The following RGS7 variants were observed in gnomAD, a reference collection of about 807,000 sequenced individuals.
RGS7 encodes the protein regulator of G protein signaling 7, also known as regulator of G-protein signaling 7.
Under a neutral mutation model 81.1 loss-of-function variants are expected in RGS7, and 27 were observed. That is an observed-to-expected ratio of 0.33 (90% CI 0.25 to 0.46). The LOEUF (loss-of-function observed/expected upper bound fraction) is 0.46, where lower values mean the gene tolerates loss of function less well. Ranked by LOEUF, RGS7 falls within the 20% of genes least tolerant of loss-of-function variation. RGS7 has a pLI of 1.00. For missense variants in RGS7, 396 were observed against 607.4 expected (o/e 0.65, Z 3.66); for synonymous variants, 208 against 207.7 (o/e 1.00, Z -0.01).
chr1:241,026,776 C>A (rs1482082854), intron 3 of RGS7, among the ~76,000 whole-genome samples: 1 of 151,590 alleles, frequency 6.6e-6, no homozygotes, highest in Non-Finnish European at 1.5e-5. Flanking sequence ...GTGTGAAAAT[C>A]AAAGAGTCTG....
intron 18 of RGS7, among the ~76,000 whole-genome samples, chr1:240,777,373 A>C (rs1683144945): frequency 6.6e-6 from 1 of 152,268 alleles, no homozygotes; most frequent in Non-Finnish European, 1.5e-5. Flanking sequence ...CTATTATAAA[A>C]TTATGTGGGC....
intron 3 of RGS7, among the ~76,000 whole-genome samples, chr1:241,011,295 G>A (rs569122174): frequency 4.0e-5 from 6 of 151,884 alleles, no homozygotes; most frequent in South Asian, 2.1e-4. Flanking sequence ...AAGGACATAC[G>A]TGCCCCTTCC....
At chr1:241,205,356 A>G (rs1019781777) in intron 2 of RGS7, among the ~76,000 whole-genome samples, 2 of 151,722 alleles carry the variant, frequency 1.3e-5, no homozygotes, top group African/African-American at 4.8e-5. Flanking sequence ...CTGGGATTAC[A>G]GGCATGAGCC....
intron 14 of RGS7, among the ~76,000 whole-genome samples, chr1:240,809,420 C>T (rs1432066336): frequency 1.3e-5 from 2 of 152,160 alleles, no homozygotes; most frequent in East Asian, 1.9e-4. Flanking sequence ...CAATTCACAG[C>T]CCTGTTGACC....
chr1:241,342,313 CT>C (rs748081717), intron 2 of RGS7, among the ~76,000 whole-genome samples: 35 of 152,124 alleles, frequency 2.3e-4, no homozygotes, highest in Non-Finnish European at 4.4e-4. Context: ...ACACCAGCAG[CT>C]AAAAATATTA....
At chr1:241,099,489 C>G (rs906789249) in intron 2 of RGS7, among the ~76,000 whole-genome samples, 1 of 152,134 alleles carries the variant, frequency 6.6e-6, no homozygotes, top group Non-Finnish European at 1.5e-5. Context: ...GCCTTCTGTC[C>G]GTTTACTAGA....
intron 2 of RGS7, among the ~76,000 whole-genome samples, chr1:241,279,937 C>A (rs1329127216): frequency 6.6e-6 from 1 of 152,076 alleles, no homozygotes; most frequent in Admixed American, 6.5e-5. Context: ...AAGGAGGTAC[C>A]ACAGTGTATT....
At chr1:240,786,646 A>G (rs1421006013) in intron 18 of RGS7, among the ~76,000 whole-genome samples, 1 of 152,228 alleles carries the variant, frequency 6.6e-6, no homozygotes, top group Non-Finnish European at 1.5e-5. Flanking sequence ...GTATGTGTCG[A>G]TCAAATGTGG....
rs548537382 is a variant in RGS7, at chr1:240,941,059, T to C, written c.227-4353A>G. ...CTCATTTTACTTCTCTTCTGAGTGA[T>C]ACTTATGTTCCATAATTTTACAATT... On this transcript the variant is annotated intron_variant, in intron 4 of 18. Transcript: ENST00000440928. Among the ~76,000 whole-genome samples, 41 of 152,368 alleles carry C rather than the reference T, an allele frequency of 2.7e-4. No individual in the cohort carries two copies. The South Asian group carries it at 7.9e-3, about 29-fold the overall frequency.
chr1:241,052,214 A>C (rs1406250553), intron 3 of RGS7, among the ~76,000 whole-genome samples: 2 of 152,172 alleles, frequency 1.3e-5, no homozygotes, highest in Non-Finnish European at 2.9e-5. Context: ...CCTGGGGAAA[A>C]TGGAAATAGG....
chr1:241,067,169 TTTAC>T (rs2062111311), intron 3 of RGS7, among the ~76,000 whole-genome samples: 1 of 152,190 alleles, frequency 6.6e-6, no homozygotes, highest in Non-Finnish European at 1.5e-5. Flanking sequence ...TGGCCTCCTT[TTTAC>T]TTCTATTACA....
intron 6 of RGS7, among the ~76,000 whole-genome samples, chr1:240,871,075 A>C (rs1664409734): frequency 6.6e-6 from 1 of 152,200 alleles, no homozygotes; most frequent in African/African-American, 2.4e-5. Context: ...CAATTATTTC[A>C]GGGTATTCCA....
At chr1:240,789,175 T>C (rs1385182239) in intron 18 of RGS7, among the ~76,000 whole-genome samples, 2 of 148,510 alleles carry the variant, frequency 1.3e-5, no homozygotes, top group African/African-American at 2.6e-5. Flanking sequence ...ATTGTGAAGA[T>C]TTCATGGACA....
intron 2 of RGS7, among the ~76,000 whole-genome samples, chr1:241,224,649 T>C (rs1338959707): frequency 6.6e-6 from 1 of 152,206 alleles, no homozygotes; most frequent in African/African-American, 2.4e-5. Context: ...CTTTGAGATA[T>C]TCACTTTACT....
chr1:240,826,729 T>C (rs1359402426), intron 10 of RGS7, among the ~76,000 whole-genome samples: 2 of 152,154 alleles, frequency 1.3e-5, no homozygotes, highest in African/African-American at 4.8e-5. Context: ...CACTGTCTTA[T>C]GGTTGTATCA....
chr1:241,267,725 T>C (rs1052117712), intron 2 of RGS7, among the ~76,000 whole-genome samples: 1 of 152,242 alleles, frequency 6.6e-6, no homozygotes, highest in South Asian at 2.1e-4. Flanking sequence ...TAAATTCTTC[T>C]ATGTATTTTT....
intron 2 of RGS7, among the ~76,000 whole-genome samples, chr1:241,289,239 TC>T (rs1185564791): frequency 3.9e-5 from 6 of 152,180 alleles, no homozygotes; most frequent in Non-Finnish European, 7.3e-5. Context: ...CAACACTCTC[TC>T]TTCTTCAGTC....
At chr1:241,122,294 T>C (rs2066333743) in intron 2 of RGS7, among the ~76,000 whole-genome samples, 1 of 152,194 alleles carries the variant, frequency 6.6e-6, no homozygotes, top group Non-Finnish European at 1.5e-5. Context: ...GCCTAGTGTG[T>C]ACCACAGATA....
At chr1:241,236,303 C>T (rs1005495860) in intron 2 of RGS7, among the ~76,000 whole-genome samples, 3 of 152,070 alleles carry the variant, frequency 2.0e-5, no homozygotes, top group African/African-American at 7.2e-5. Context: ...AAGCAAAATG[C>T]ATCCAGGAAT....
Sources: gnomAD v4.1 joint callset for allele counts (sites outside exome capture counted in the v4.1 genomes callset) on GRCh38, gnomAD v4.1.1 for gene constraint, MANE v1.5 for transcripts, NCBI Gene and HGNC (gene_info 2026-07-23, HGNC 2026-07-21) for gene names.